CCSER1: variants seen among roughly 807,000 people sequenced by gnomAD.
CCSER1 encodes the protein serine-rich coiled-coil domain-containing protein 1.
Under a neutral mutation model 82.0 loss-of-function variants are expected in CCSER1, and 41 were observed. The ratio of observed to expected loss-of-function variants is 0.50; its 90% CI spans 0.39 to 0.65. CCSER1 has a LOEUF of 0.65. Ranked by LOEUF, CCSER1 falls within the 30% of genes least tolerant of loss-of-function variation. The pLI is 0.00. For synonymous variants in CCSER1, 414 were observed against 383.9 expected, an observed-to-expected ratio of 1.08 and a Z score of -0.92; for missense variants, 1,119 against 1,064.2, an observed-to-expected ratio of 1.05 and a Z score of -0.72.
At chr4:91,422,413 T>C (rs1227285752) in intron 10 of CCSER1, among the ~76,000 whole-genome samples, 2 of 152,170 alleles carry the variant, frequency 1.3e-5, no homozygotes, top group Non-Finnish European at 2.9e-5. Flanking sequence ...AATTTTCTTA[T>C]GTGTACAACA....
intron 8 of CCSER1, among the ~76,000 whole-genome samples, chr4:90,826,847 G>A (rs554520346): frequency 2.0e-5 from 3 of 152,290 alleles, no homozygotes; most frequent in African/African-American, 7.2e-5. Flanking sequence ...ACTATTTATG[G>A]ATTGGTTACC....
At chr4:91,060,398 A>C (rs1476907245) in intron 9 of CCSER1, among the ~76,000 whole-genome samples, 1 of 152,032 alleles carries the variant, frequency 6.6e-6, no homozygotes, top group Non-Finnish European at 1.5e-5. Context: ...TACCCAGAGC[A>C]AAACTGGGGT....
At chr4:90,753,498 C>G (rs1216290146) in intron 7 of CCSER1, among the ~76,000 whole-genome samples, 1 of 152,052 alleles carries the variant, frequency 6.6e-6, no homozygotes, top group Non-Finnish European at 1.5e-5. Context: ...TACTCTTTCT[C>G]ACACCCATTC....
At chr4:90,578,108 G>A (rs1210220443) in intron 5 of CCSER1, among the ~76,000 whole-genome samples, 1 of 152,040 alleles carries the variant, frequency 6.6e-6, no homozygotes, top group Non-Finnish European at 1.5e-5. Flanking sequence ...TACAACTTGG[G>A]AATAAAATAA....
At chr4:91,020,854 A>AACTAAT (rs925861152) in intron 9 of CCSER1, among the ~76,000 whole-genome samples, 9 of 152,154 alleles carry the variant, frequency 5.9e-5, no homozygotes, top group African/African-American at 2.2e-4. Flanking sequence ...TCTACTTGGA[A>AACTAAT]ACTAATACTC....
chr4:90,806,876 T>TTC (rs1400421272), intron 7 of CCSER1, among the ~76,000 whole-genome samples: 17 of 152,044 alleles, frequency 1.1e-4, no homozygotes, highest in Non-Finnish European at 5.9e-5. Context: ...CTTTTTTTTT[T>TTC]TTCTTCACAT....
At chr4:90,714,365 A>G (rs1741237221) in intron 6 of CCSER1, among the ~76,000 whole-genome samples, 1 of 151,974 alleles carries the variant, frequency 6.6e-6, no homozygotes, top group Admixed American at 6.6e-5. Context: ...TATCTTGTTC[A>G]TTATAGGTTC....
intron 9 of CCSER1, among the ~76,000 whole-genome samples, chr4:91,032,488 G>C (rs1426498487): frequency 6.6e-6 from 1 of 152,174 alleles, no homozygotes; most frequent in Admixed American, 6.6e-5. Context: ...AAAAAGGACA[G>C]ATTTATCCTG....
chr4:91,225,470 T>C (rs1021739352), intron 10 of CCSER1, among the ~76,000 whole-genome samples: 29 of 148,144 alleles, frequency 2.0e-4, no homozygotes, highest in African/African-American at 6.9e-4. Context: ...TCAGGTGTAA[T>C]TATGATGGAT....
In CCSER1 at chr4:90,932,954, GAA is replaced by G. The variant is rs1222456881; in HGVS notation, c.2172+9509_2172+9510del. Among the ~76,000 whole-genome samples the G allele has an allele frequency of 7.7e-3, 252 of 32,612 alleles. 89 individuals carry two copies. The highest frequency in any genetic ancestry group is 0.054 in the African/African-American group (232 of 4,310). The allele number at this position is 32,612 out of a possible 152,430, so 21.4% of individuals were successfully genotyped here. On this transcript the variant is annotated intron_variant, in intron 9 of 10. Transcript: ENST00000509176. ...AGAAAGAAAGAAAGAAAGAAAGAAA[GAA>G]AGAAAGAAAGAAAGAAAGAAAGAAA...
intron 1 of CCSER1, among the ~76,000 whole-genome samples, chr4:90,303,932 A>G (rs965628631): frequency 1.3e-5 from 2 of 152,048 alleles, no homozygotes; most frequent in Admixed American, 1.3e-4. Flanking sequence ...CAGAATCTAC[A>G]ATGAACTCAA....
At chr4:91,206,816 A>C in intron 10 of CCSER1, among the ~76,000 whole-genome samples, 1 of 151,868 alleles carries the variant, frequency 6.6e-6, no homozygotes, top group Admixed American at 6.6e-5. Flanking sequence ...TTTACTCTGC[A>C]TATACCTTGA....
At chr4:90,932,982 GAGAA>G (rs765197842) in intron 9 of CCSER1, among the ~76,000 whole-genome samples, 826 of 18,780 alleles carry the variant, frequency 0.044, 129 homozygotes, top group Non-Finnish European at 0.046. Context: ...AAGAAAGAAA[GAGAA>G]AGAAAGAAAG....
chr4:90,799,556 G>A (rs1756509061), intron 7 of CCSER1, among the ~76,000 whole-genome samples: 1 of 152,072 alleles, frequency 6.6e-6, no homozygotes, highest in Admixed American at 6.5e-5. Context: ...AGTAACCCGA[G>A]ACTGCCCTGC....
intron 6 of CCSER1, among the ~76,000 whole-genome samples, chr4:90,691,170 A>T (rs1735750145): frequency 6.6e-6 from 1 of 152,052 alleles, no homozygotes; most frequent in Admixed American, 6.6e-5. Flanking sequence ...AAGTTTATTA[A>T]TAAGGTAGAA....
chr4:91,063,320 A>G (rs1204825576), intron 9 of CCSER1, among the ~76,000 whole-genome samples: 2 of 152,158 alleles, frequency 1.3e-5, no homozygotes, highest in African/African-American at 4.8e-5. Flanking sequence ...GACACATAGG[A>G]TTAAATGAGA....
chr4:91,328,052 C>T (rs987765566), intron 10 of CCSER1, among the ~76,000 whole-genome samples: 1 of 152,140 alleles, frequency 6.6e-6, no homozygotes, highest in Non-Finnish European at 1.5e-5. Context: ...TAGAATGCTT[C>T]AATCTTCTCA....
At chr4:91,426,640 A>C (rs72656187) in intron 10 of CCSER1, among the ~76,000 whole-genome samples, 40 of 152,310 alleles carry the variant, frequency 2.6e-4, no homozygotes, top group Admixed American at 3.9e-4. Flanking sequence ...TTTGAAACCT[A>C]TATGATAAAA....
intron 7 of CCSER1, among the ~76,000 whole-genome samples, chr4:90,806,421 A>T (rs6532249): frequency 0.34 from 51,412 of 151,760 alleles, 8,859 homozygotes; most frequent in African/African-American, 0.41. Context: ...GCCACAATAT[A>T]GGGAAATGTT....
Sources: allele counts gnomAD v4.1 joint callset (sites outside exome capture counted in the v4.1 genomes callset), GRCh38; gene constraint gnomAD v4.1.1; transcripts MANE v1.5; gene names NCBI Gene and HGNC (gene_info 2026-07-23, HGNC 2026-07-21).